The following SOX5 variants were observed in gnomAD, a reference collection of about 807,000 sequenced individuals.
The protein encoded by SOX5 is SRY-box transcription factor 5, also known as transcription factor SOX-5.
In SOX5, 9 loss-of-function variants were observed where a neutral mutation model predicts 92.0. The observed-to-expected ratio is 0.10, with a 90% CI of 0.06 to 0.17. The LOEUF (loss-of-function observed/expected upper bound fraction) is 0.17. SOX5 is among the 10% of genes least tolerant of loss of function. SOX5 has a pLI of 1.00. For missense variants in SOX5, 642 were observed against 944.5 expected, an observed-to-expected ratio of 0.68 and a Z score of 4.20; for synonymous variants, 344 against 336.3, an observed-to-expected ratio of 1.02 and a Z score of -0.25.
chr12:24,185,496 C>T (rs954445877), intron 4 of SOX5, among the ~76,000 whole-genome samples: 1 of 152,056 alleles, frequency 6.6e-6, no homozygotes, highest in African/African-American at 2.4e-5. Flanking sequence ...TATATTTCTC[C>T]CCCACTAGCC....
chr12:24,348,049 C>CA (rs1182462748), intron 2 of SOX5, among the ~76,000 whole-genome samples: 4,439 of 72,706 alleles, frequency 0.061, 201 homozygotes, highest in African/African-American at 0.08. Context: ...TACAGCTAAT[C>CA]AAAAAAAAAA....
At chr12:23,663,434 G>A (rs1188853277) in intron 7 of SOX5, among the ~76,000 whole-genome samples, 1 of 152,114 alleles carries the variant, frequency 6.6e-6, no homozygotes, top group South Asian at 2.1e-4. Context: ...AGGTGGAGGT[G>A]TTCTTGACCT....
chr12:23,615,005 T>C (rs1196865339), intron 8 of SOX5, among the ~76,000 whole-genome samples: 8 of 152,062 alleles, frequency 5.3e-5, no homozygotes, highest in Non-Finnish European at 8.8e-5. Flanking sequence ...GGTTTTACCA[T>C]GTTGGTCAGG....
rs192856013 is a variant in SOX5, at chr12:24,239,749, A to G, written c.-76-26332T>C. Among the ~76,000 whole-genome samples, 329 of 152,352 alleles carry G rather than the reference A, an allele frequency of 2.2e-3. 1 individual carries two copies. Among genetic ancestry groups the G allele is most frequent in the African/African-American group, 7.6e-3 (318 of 41,588 alleles). ...TTCACTTGTTAAAGACAAGAAAACA[A>G]AAGTTTTCTGCCAGGAAGAGTCTCA... On this transcript the variant is annotated intron_variant, in intron 3 of 4. Coordinates refer to the SOX5 transcript ENST00000446891.
At chr12:24,487,511 A>T (rs1407696989) in intron 1 of SOX5, among the ~76,000 whole-genome samples, 4 of 152,220 alleles carry the variant, frequency 2.6e-5, no homozygotes, top group Admixed American at 6.5e-5. Flanking sequence ...ATTGACAGGC[A>T]TGAGGAGGCT....
At chr12:23,978,518 A>C (rs1014110318) in intron 4 of SOX5, among the ~76,000 whole-genome samples, 1 of 152,182 alleles carries the variant, frequency 6.6e-6, no homozygotes, top group African/African-American at 2.4e-5. Context: ...ATCGTTTTCT[A>C]AGCTGTTCAA....
At chr12:23,716,095 G>A (rs554621665) in intron 6 of SOX5, among the ~76,000 whole-genome samples, 7 of 152,120 alleles carry the variant, frequency 4.6e-5, no homozygotes, top group Admixed American at 1.3e-4. Flanking sequence ...GCAACACACG[G>A]GAAGTGTTGT....
intron 1 of SOX5, among the ~76,000 whole-genome samples, chr12:24,441,415 T>C (rs1384294797): frequency 6.6e-6 from 1 of 152,242 alleles, no homozygotes; most frequent in Admixed American, 6.5e-5. Flanking sequence ...TCCTTAAGTA[T>C]GTGCAAATTA....
At chr12:24,505,661 A>T (rs1948641939) in intron 1 of SOX5, among the ~76,000 whole-genome samples, 1 of 152,240 alleles carries the variant, frequency 6.6e-6, no homozygotes, top group African/African-American at 2.4e-5. Context: ...AGCCAAGTGG[A>T]TCAAAAAGCA....
chr12:24,547,284 C>A (rs552581655), intron 1 of SOX5, among the ~76,000 whole-genome samples: 1 of 150,222 alleles, frequency 6.7e-6, no homozygotes, highest in Non-Finnish European at 1.5e-5. Flanking sequence ...CTCCGCTTCC[C>A]GGGTTCACGC....
chr12:24,496,300 T>A (rs150324356), intron 1 of SOX5, among the ~76,000 whole-genome samples: 17 of 152,222 alleles, frequency 1.1e-4, no homozygotes, highest in Non-Finnish European at 2.1e-4. Context: ...TACAAATCCC[T>A]GGAGACATAG....
At chr12:23,759,685 C>T (rs1002649885) in intron 3 of SOX5, among the ~76,000 whole-genome samples, 1 of 152,026 alleles carries the variant, frequency 6.6e-6, no homozygotes, top group African/African-American at 2.4e-5. Context: ...GACCAAATGG[C>T]AGAAGCCCAA....
rs375837419 is a variant in SOX5 at position 23,594,362 on chromosome 12, T to A, written c.1164+10025A>T. Among the ~76,000 whole-genome samples the A allele has an allele frequency of 7.2e-5, 11 of 152,296 alleles. No individual in the cohort carries two copies. The East Asian group carries it at 2.1e-3, about 29-fold the overall frequency. ...TGAGCACACATATCTATCTACACTG[T>A]TGACCACTATCCTCAGGTCCTAGGA... On this transcript the variant is annotated intron_variant, in intron 9 of 14. Coordinates refer to ENST00000451604, the MANE Select transcript of SOX5 (RefSeq NM_006940.6).
intron 1 of SOX5, among the ~76,000 whole-genome samples, chr12:23,913,753 A>AT: frequency 6.6e-6 from 1 of 152,042 alleles, no homozygotes; most frequent in East Asian, 1.9e-4. Flanking sequence ...AAAAAAAAAA[A>AT]AAAAAGAAAG....
At chr12:23,686,289 TG>T (rs1208045714) in intron 6 of SOX5, among the ~76,000 whole-genome samples, 2 of 152,234 alleles carry the variant, frequency 1.3e-5, no homozygotes, top group East Asian at 1.9e-4. Context: ...CTGGTTAATT[TG>T]GCTGAGGGCC....
At chr12:23,742,243 A>C (rs1476582314) in intron 4 of SOX5, among the ~76,000 whole-genome samples, 2 of 152,152 alleles carry the variant, frequency 1.3e-5, no homozygotes, top group African/African-American at 2.4e-5. Context: ...TATAATTTTT[A>C]TATGACCATT....
intron 4 of SOX5, among the ~76,000 whole-genome samples, chr12:24,157,218 A>G (rs1593719911): frequency 1.3e-5 from 2 of 152,126 alleles, no homozygotes; most frequent in African/African-American, 4.8e-5. Context: ...ACTTCTTAAA[A>G]TGTATAAATA....
intron 4 of SOX5, chr12:24,212,423 AGTT>A (rs754014057): frequency 1.1e-5 from 6 of 533,868 alleles, no homozygotes; most frequent in South Asian, 8.4e-5. Flanking sequence ...AGCCACTGGT[AGTT>A]GTTCTACAGA....
At chr12:23,686,233 T>C (rs1276142384) in intron 6 of SOX5, among the ~76,000 whole-genome samples, 1 of 152,200 alleles carries the variant, frequency 6.6e-6, no homozygotes, top group African/African-American at 2.4e-5. Context: ...ATGAGCCAGA[T>C]ATTAAATTCA....
Sources: allele counts gnomAD v4.1 joint callset (sites outside exome capture counted in the v4.1 genomes callset), GRCh38; gene constraint gnomAD v4.1.1; transcripts MANE v1.5; gene names NCBI Gene and HGNC (gene_info 2026-07-23, HGNC 2026-07-21).